The following NAALADL2 variants were observed in gnomAD, a reference collection of about 807,000 sequenced individuals.
NAALADL2 encodes N-acetylated alpha-linked acidic dipeptidase like 2.
A neutral mutation model predicts 87.2 loss-of-function variants in NAALADL2; 76 were observed. The ratio of observed to expected loss-of-function variants is 0.87; its 90% CI spans 0.72 to 1.05. NAALADL2 has a LOEUF of 1.05. Among genes scored for constraint, NAALADL2 ranks in the 50% least tolerant of loss-of-function variants. The pLI is 0.00. For synonymous variants in NAALADL2, 354 were observed against 331.0 expected, an observed-to-expected ratio of 1.07 and a Z score of -0.75; for missense variants, 1,089 against 945.8, an observed-to-expected ratio of 1.15 and a Z score of -1.99.
chr3:174,834,842 G>A (rs1042288622), intron 3 of NAALADL2, among the ~76,000 whole-genome samples: 2 of 151,666 alleles, frequency 1.3e-5, no homozygotes, highest in African/African-American at 4.8e-5. Flanking sequence ...ACAATATTTT[G>A]AAGTTATTAA....
intron 1 of NAALADL2, among the ~76,000 whole-genome samples, chr3:174,495,880 G>C (rs1254573889): frequency 6.6e-6 from 1 of 152,184 alleles, no homozygotes; most frequent in African/African-American, 2.4e-5. Flanking sequence ...TAGATCAGTA[G>C]TTCTTATGCA....
chr3:174,475,866 T>G (rs1717179349), intron 1 of NAALADL2, among the ~76,000 whole-genome samples: 1 of 151,722 alleles, frequency 6.6e-6, no homozygotes, highest in African/African-American at 2.4e-5. Context: ...AGAAAAAAAA[T>G]GAAATTCTGT....
At chr3:175,541,384 A>T (rs1397109305) in intron 9 of NAALADL2, among the ~76,000 whole-genome samples, 1 of 152,212 alleles carries the variant, frequency 6.6e-6, no homozygotes, top group South Asian at 2.1e-4. Context: ...TCATAGCTTA[A>T]CCTAGCCTAC....
chr3:174,755,670 T>C (rs1185762284), intron 3 of NAALADL2, among the ~76,000 whole-genome samples: 12 of 152,206 alleles, frequency 7.9e-5, no homozygotes, highest in Non-Finnish European at 5.9e-5. Flanking sequence ...TTCCCAAAAC[T>C]ATTAGAATTT....
chr3:175,044,181 G>A (rs956077097), intron 1 of NAALADL2, among the ~76,000 whole-genome samples: 1 of 152,102 alleles, frequency 6.6e-6, no homozygotes, highest in Admixed American at 6.5e-5. Flanking sequence ...TTCTTAGTGT[G>A]TAGAAACACA....
chr3:174,945,905 G>A (rs571748610), intron 1 of NAALADL2, among the ~76,000 whole-genome samples: 105 of 152,058 alleles, frequency 6.9e-4, no homozygotes, highest in Non-Finnish European at 1.4e-3. Flanking sequence ...TATTAGCCAG[G>A]TGTGGTGGCA....
intron 1 of NAALADL2, among the ~76,000 whole-genome samples, chr3:174,472,714 C>T (rs1306206075): frequency 6.6e-6 from 1 of 151,930 alleles, no homozygotes; most frequent in Non-Finnish European, 1.5e-5. Context: ...TTTAATTTTA[C>T]AGTCAAATTT....
At chr3:174,723,038 A>AT (rs776507562) in intron 2 of NAALADL2, among the ~76,000 whole-genome samples, 63 of 152,220 alleles carry the variant, frequency 4.1e-4, no homozygotes, top group South Asian at 1.0e-3. Flanking sequence ...CATGTATTTA[A>AT]TTTTTTCATG....
intron 3 of NAALADL2, among the ~76,000 whole-genome samples, chr3:174,829,139 G>A (rs115706187): frequency 0.02 from 3,069 of 151,430 alleles, 109 homozygotes; most frequent in African/African-American, 0.07. Flanking sequence ...TTATACTTTA[G>A]GTTTTAGGGT....
chr3:174,999,125 T>C (rs1037457422), intron 1 of NAALADL2, among the ~76,000 whole-genome samples: 1 of 152,168 alleles, frequency 6.6e-6, no homozygotes, highest in African/African-American at 2.4e-5. Context: ...ACTGTTAATA[T>C]TTCTTTACTT....
intron 2 of NAALADL2, among the ~76,000 whole-genome samples, chr3:175,128,065 G>C (rs1580594694): frequency 6.6e-6 from 1 of 152,200 alleles, no homozygotes; most frequent in South Asian, 2.1e-4. Flanking sequence ...TGTATGAAGT[G>C]TACACATCTA....
At chr3:175,355,148 A>G (rs1428638066) in intron 5 of NAALADL2, among the ~76,000 whole-genome samples, 1 of 150,330 alleles carries the variant, frequency 6.7e-6, no homozygotes. Context: ...GGCTCACTGC[A>G]GCTCCTGCCT....
At chr3:174,613,155 C>T (rs1456515918) in intron 2 of NAALADL2, among the ~76,000 whole-genome samples, 1 of 152,214 alleles carries the variant, frequency 6.6e-6, no homozygotes, top group African/African-American at 2.4e-5. Flanking sequence ...GCTTTTCTCT[C>T]TGTTCTGAGC....
intron 11 of NAALADL2, among the ~76,000 whole-genome samples, chr3:175,648,628 A>T (rs911548167): frequency 6.6e-6 from 1 of 152,114 alleles, no homozygotes; most frequent in Admixed American, 6.5e-5. Flanking sequence ...CAGAGCTTTC[A>T]GCTTCAACTG....
chr3:175,106,554 C>T (rs1312154974), intron 2 of NAALADL2, among the ~76,000 whole-genome samples: 1 of 152,068 alleles, frequency 6.6e-6, no homozygotes, highest in Non-Finnish European at 1.5e-5. Flanking sequence ...AAATGTTTTA[C>T]TTTGAGAATC....
At chr3:175,030,092 C>T (rs571237060) in intron 1 of NAALADL2, among the ~76,000 whole-genome samples, 77 of 152,194 alleles carry the variant, frequency 5.1e-4, no homozygotes, top group African/African-American at 1.8e-3. Flanking sequence ...GTACTGCCAT[C>T]TGACTGCCTT....
At chr3:174,926,155 G>GA (rs917044915) in intron 1 of NAALADL2, among the ~76,000 whole-genome samples, 42 of 151,974 alleles carry the variant, frequency 2.8e-4, no homozygotes, top group Admixed American at 5.9e-4. Context: ...GAAGTTTAGA[G>GA]AAAAAAAGAG....
chr3:174,703,303 C>CT (rs35658602), intron 2 of NAALADL2, among the ~76,000 whole-genome samples: 4,754 of 123,134 alleles, frequency 0.039, 113 homozygotes, highest in African/African-American at 0.077. Context: ...CCATGCCTGG[C>CT]TTTTTTTTTT....
chr3:174,534,987 T>C (rs770623305), intron 1 of NAALADL2, among the ~76,000 whole-genome samples: 6 of 152,182 alleles, frequency 3.9e-5, no homozygotes, highest in Non-Finnish European at 8.8e-5. Context: ...CTATTGGCAA[T>C]AAACACATCC....
Sources: gnomAD v4.1 joint callset for allele counts (sites outside exome capture counted in the v4.1 genomes callset) on GRCh38, gnomAD v4.1.1 for gene constraint, MANE v1.5 for transcripts, NCBI Gene and HGNC (gene_info 2026-07-23, HGNC 2026-07-21) for gene names.